R3HCC1L: variants seen among roughly 807,000 people sequenced by gnomAD.
R3HCC1L encodes the protein R3H domain and coiled-coil containing 1 like.
In R3HCC1L, 51 loss-of-function variants were observed where a neutral mutation model predicts 59.9. That is an observed-to-expected ratio of 0.85 (90% CI 0.68 to 1.07). R3HCC1L has a LOEUF of 1.07. Ranked by LOEUF, R3HCC1L falls within the 50% of genes least tolerant of loss-of-function variation. The probability of loss-of-function intolerance (pLI) is 0.00; values close to 1 mark genes in which losing one functional copy is unlikely to be tolerated. For synonymous variants in R3HCC1L, 322 were observed against 315.2 expected, an observed-to-expected ratio of 1.02 and a Z score of -0.23; for missense variants, 965 against 933.0, an observed-to-expected ratio of 1.03 and a Z score of -0.45.
chr10:98,243,197 G>A (rs1480877450), intron 9 of R3HCC1L, among the ~76,000 whole-genome samples: 2 of 152,168 alleles, frequency 1.3e-5, no homozygotes, highest in African/African-American at 2.4e-5. Context: ...AATTCATCTC[G>A]ATTTCTGTAA....
At chr10:98,162,403 C>T (rs547581372) in intron 2 of R3HCC1L, among the ~76,000 whole-genome samples, 8 of 152,234 alleles carry the variant, frequency 5.3e-5, no homozygotes, top group Middle Eastern at 3.4e-3. Flanking sequence ...AAATGTATAC[C>T]TCCACTAACA....
chr10:98,170,035 T>A (rs1039149404), intron 4 of R3HCC1L, among the ~76,000 whole-genome samples: 1 of 152,140 alleles, frequency 6.6e-6, no homozygotes, highest in African/African-American at 2.4e-5. Flanking sequence ...CCTGATCATT[T>A]ATCCTTAATG....
Position 98,165,549 on chromosome 10 carries a change from C to T in R3HCC1L, c.-15+2152C>T, listed in dbSNP as rs116710472. Reference sequence around the variant, plus strand: ...GGATTGATTTGATACGTATGCTATCCGCTGTTACTGTTTTTATAGCAAGCA... The same window carrying T: ...GGATTGATTTGATACGTATGCTATCTGCTGTTACTGTTTTTATAGCAAGCA... On this transcript the variant is annotated intron_variant, in intron 4 of 9. Transcript: ENST00000298999. Among the ~76,000 whole-genome samples the T allele has an allele frequency of 5.4e-3, 819 of 152,250 alleles. 8 individuals are homozygous for T. Among genetic ancestry groups the T allele is most frequent in the African/African-American group, 0.018 (731 of 41,542 alleles).
At chr10:98,167,034 G>T (rs557168250) in intron 4 of R3HCC1L, among the ~76,000 whole-genome samples, 29 of 151,162 alleles carry the variant, frequency 1.9e-4, no homozygotes, top group Admixed American at 5.3e-4. Context: ...AGTATTTGAT[G>T]GTAAAAAAAA....
intron 5 of R3HCC1L, chr10:98,211,362 A>G (rs1853553280): frequency 1.3e-6 from 2 of 1,530,098 alleles, no homozygotes. Context: ...ATACACTTAA[A>G]TCTATATCAG....
chr10:98,223,964 G>T (rs1479409006), intron 5 of R3HCC1L, among the ~76,000 whole-genome samples: 2 of 152,096 alleles, frequency 1.3e-5, no homozygotes, highest in African/African-American at 4.8e-5. Context: ...TATCCCTCTG[G>T]CTCCCAAGCA....
At chr10:98,143,107 G>A (rs1484199710) in intron 1 of R3HCC1L, among the ~76,000 whole-genome samples, 1 of 152,216 alleles carries the variant, frequency 6.6e-6, no homozygotes, top group Non-Finnish European at 1.5e-5. Context: ...GGTCCCACAA[G>A]TTTTGGATTA....
At chr10:98,196,381 T>A (rs1375070452) in intron 4 of R3HCC1L, among the ~76,000 whole-genome samples, 1 of 152,130 alleles carries the variant, frequency 6.6e-6, no homozygotes, top group Non-Finnish European at 1.5e-5. Context: ...TCTTGCTAAA[T>A]CCAGTGGAAA....
At position 98,235,456 on chromosome 10, in the gene R3HCC1L, G is replaced by A; in HGVS notation, c.2064G>A (p.Met688Ile). 1 of 1,613,686 alleles carries A rather than the reference G, an allele frequency of 6.2e-7. No individual in the cohort carries two copies. Among genetic ancestry groups the A allele is most frequent in the Non-Finnish European group, 8.5e-7 (1 of 1,179,772 alleles). The stretch of plus-strand genomic sequence containing the variant: ...ATGCGTTGGGTATTAAACACACCAT[G>A]GTGAAGATTCGTCCCTTGTCACAGG... ...ARDALGIKHT[M>I]VKIRPLSQAT... The change falls in exon 8 of 10, where the codon ATG (methionine) becomes ATA (isoleucine). Residue 688 changes from methionine (M) to isoleucine (I), a missense_variant. Coordinates refer to ENST00000298999, the MANE Select transcript of R3HCC1L (RefSeq NM_001351015.2).
intron 1 of R3HCC1L, among the ~76,000 whole-genome samples, chr10:98,154,877 T>C (rs747634569): frequency 6.6e-6 from 1 of 152,242 alleles, no homozygotes; most frequent in Non-Finnish European, 1.5e-5. Flanking sequence ...AATCTCTTCA[T>C]GAATCCTTGC....
intron 5 of R3HCC1L, among the ~76,000 whole-genome samples, chr10:98,223,125 T>A (rs1438536917): frequency 6.6e-6 from 1 of 152,146 alleles, no homozygotes; most frequent in African/African-American, 2.4e-5. Context: ...GAGGAACTGG[T>A]ACCATTCCTT....
intron 4 of R3HCC1L, among the ~76,000 whole-genome samples, chr10:98,200,140 G>T (rs1225858427): frequency 2.0e-5 from 3 of 152,042 alleles, no homozygotes. Context: ...GGATGTTGCT[G>T]TGAGATGAGC....
In R3HCC1L at chr10:98,218,868, G is replaced by A. The variant is rs373867356; in HGVS notation, c.1785+8969G>A. Among the ~76,000 whole-genome samples, 63 of 152,090 alleles carry A rather than the reference G, an allele frequency of 4.1e-4. 1 individual carries two copies. In the South Asian group the frequency reaches 0.011, roughly 27 times the overall value. ...ATCTGGGTGCTCTTTTGTTGAGTGC[G>A]TCTATATTTACAATGTTTTATCATC... On this transcript the variant is annotated intron_variant, in intron 5 of 9. Coordinates refer to ENST00000298999, the MANE Select transcript of R3HCC1L (RefSeq NM_001351015.2).
At chr10:98,137,836 T>C (rs1234268899) in intron 1 of R3HCC1L, among the ~76,000 whole-genome samples, 1 of 152,228 alleles carries the variant, frequency 6.6e-6, no homozygotes, top group Non-Finnish European at 1.5e-5. Context: ...ATGACTCAGA[T>C]ATTGACTAGG....
intron 4 of R3HCC1L, among the ~76,000 whole-genome samples, chr10:98,193,440 AT>A (rs1851079031): frequency 6.6e-6 from 1 of 152,158 alleles, no homozygotes; most frequent in Non-Finnish European, 1.5e-5. Context: ...AGGATACAAA[AT>A]CAACTCTCCA....
intron 9 of R3HCC1L, among the ~76,000 whole-genome samples, chr10:98,239,076 C>A (rs550089384): frequency 1.3e-5 from 2 of 152,256 alleles, no homozygotes; most frequent in Admixed American, 6.5e-5. Context: ...CTCTGTGCCC[C>A]CTGGTTTCCA....
chr10:98,161,990 C>T lies in R3HCC1L; in HGVS notation c.-212-893C>T, dbSNP rs182211568. Among the ~76,000 whole-genome samples, 594 of 152,184 alleles carry T rather than the reference C, an allele frequency of 3.9e-3. 5 individuals are homozygous for T. Among genetic ancestry groups the T allele is most frequent in the Non-Finnish European group, 6.1e-3 (414 of 67,992 alleles). ...GACTTTTTAATGCTGTTGTTTTGTG[C>T]TGAGATTTCTGTCCAAGAACAAAGA... On this transcript the variant is annotated intron_variant, in intron 2 of 9. Coordinates refer to ENST00000298999, the MANE Select transcript of R3HCC1L (RefSeq NM_001351015.2).
chr10:98,208,273 A>G lies in R3HCC1L; in HGVS notation c.159A>G (p.Glu53=), dbSNP rs1852967339. ...CTGTGGTGAAAGAAAAGCAAAAAGA[A>G]AGTTCTCTCTCCCAAAAAGAAGTCT... is the stretch of plus-strand genomic sequence containing the variant. ...PNSVVKEKQK[E]SSLSQKEVFK... The change falls in exon 5 of 10, where the codon GAA becomes GAG. Residue 53 remains glutamate (E), a synonymous_variant. Transcript: ENST00000298999. 2 of 1,614,102 alleles carry G rather than the reference A, an allele frequency of 1.2e-6. No homozygotes were observed. The highest frequency in any genetic ancestry group is 1.7e-6 in the Non-Finnish European group (2 of 1,180,006).
At chr10:98,228,358 T>G (rs1218334453) in intron 5 of R3HCC1L, among the ~76,000 whole-genome samples, 1 of 152,266 alleles carries the variant, frequency 6.6e-6, no homozygotes, top group Non-Finnish European at 1.5e-5. Flanking sequence ...TTTTCATGTG[T>G]CTTTTGGCTG....
Sources: allele counts gnomAD v4.1 joint callset (sites outside exome capture counted in the v4.1 genomes callset), GRCh38; gene constraint gnomAD v4.1.1; transcripts MANE v1.5; gene names NCBI Gene and HGNC (gene_info 2026-07-23, HGNC 2026-07-21).